The following PTPRN2 variants were observed in gnomAD, a reference collection of about 807,000 sequenced individuals.
PTPRN2 encodes the protein protein tyrosine phosphatase receptor type N2, also known as receptor-type tyrosine-protein phosphatase N2.
In PTPRN2, 74 loss-of-function variants were observed where a neutral mutation model predicts 118.8. The ratio of observed to expected loss-of-function variants is 0.62; its 90% CI spans 0.52 to 0.76. The LOEUF (loss-of-function observed/expected upper bound fraction) is 0.76, where lower values mean the gene tolerates loss of function less well. PTPRN2 is among the 30% of genes least tolerant of loss of function. PTPRN2 has a pLI of 0.00. For missense variants in PTPRN2, 1,481 were observed against 1,394.4 expected (o/e 1.06, Z -0.99); for synonymous variants, 641 against 608.0 (o/e 1.05, Z -0.80).
chr7:158,270,990 G>GCCTCCCCATCCACCTGGA (rs1798440132), intron 3 of PTPRN2, among the ~76,000 whole-genome samples: 1 of 58,926 alleles, frequency 1.7e-5, no homozygotes, highest in Non-Finnish European at 3.3e-5. Flanking sequence ...CTCCACCTGG[G>GCCTCCCCATCCACCTGGA]CCTCCCCATC....
At chr7:157,836,188 C>T (rs1415122273) in intron 12 of PTPRN2, among the ~76,000 whole-genome samples, 1 of 152,234 alleles carries the variant, frequency 6.6e-6, no homozygotes, top group African/African-American at 2.4e-5. Flanking sequence ...TGATAAGATG[C>T]TATCGTTTGC....
At chr7:158,175,259 C>T (rs1824083527) in intron 5 of PTPRN2, among the ~76,000 whole-genome samples, 1 of 152,236 alleles carries the variant, frequency 6.6e-6, no homozygotes, top group African/African-American at 2.4e-5. Flanking sequence ...CCTGACAAAG[C>T]ACACAGCCTC....
chr7:157,726,912 C>T (rs530864815), intron 12 of PTPRN2, among the ~76,000 whole-genome samples: 30 of 152,292 alleles, frequency 2.0e-4, no homozygotes, highest in Admixed American at 3.9e-4. Context: ...AGGCGCTTGG[C>T]GTCACCAAAA....
chr7:157,689,471 C>G (rs1327943656), intron 12 of PTPRN2, among the ~76,000 whole-genome samples: 1 of 152,204 alleles, frequency 6.6e-6, no homozygotes. Context: ...CCGTCCAGCC[C>G]GCAGCGCCCA....
chr7:158,310,624 C>A (rs546350417), intron 3 of PTPRN2, among the ~76,000 whole-genome samples: 44 of 152,334 alleles, frequency 2.9e-4, no homozygotes, highest in African/African-American at 9.4e-4. Flanking sequence ...CATTGCCCTG[C>A]GCAGCCTGAG....
Position 157,619,396 on chromosome 7 carries a change from G to T in PTPRN2, c.2344+1966C>A, listed in dbSNP as rs528312550. ...TACCCGCTCACCACCACCCTCACTT[G>T]TCCTACCACACCGGCTTCACTCCCC... On this transcript the variant is annotated intron_variant, in intron 15 of 22. Coordinates refer to ENST00000389418, the MANE Select transcript of PTPRN2 (RefSeq NM_002847.5). This position sits in a 1 kb window ranked among gnomAD's most constrained non-coding sequence, Gnocchi z 5.3. Among the ~76,000 whole-genome samples the T allele has an allele frequency of 6.6e-6, 1 of 152,042 alleles. No homozygotes were observed. The highest frequency in any genetic ancestry group is 2.4e-5 in the African/African-American group (1 of 41,468).
chr7:157,716,728 G>T (rs1439317449), intron 12 of PTPRN2, among the ~76,000 whole-genome samples: 1 of 48,540 alleles, frequency 2.1e-5, no homozygotes, highest in Admixed American at 1.9e-4. Context: ...GCCTGGCCAC[G>T]TAGACTCTGC....
At chr7:157,947,715 C>T (rs1047155647) in intron 11 of PTPRN2, among the ~76,000 whole-genome samples, 7 of 152,198 alleles carry the variant, frequency 4.6e-5, no homozygotes, top group African/African-American at 1.7e-4. Flanking sequence ...AGAAGCTCAA[C>T]TAACTCCAAG....
intron 15 of PTPRN2, among the ~76,000 whole-genome samples, chr7:157,604,533 A>G (rs1163826047): frequency 6.6e-6 from 1 of 152,224 alleles, no homozygotes; most frequent in East Asian, 1.9e-4. Context: ...TCACAGACAC[A>G]CTTGGCAACA....
intron 11 of PTPRN2, among the ~76,000 whole-genome samples, chr7:158,075,816 C>A (rs921972027): frequency 2.0e-5 from 3 of 152,206 alleles, no homozygotes; most frequent in Non-Finnish European, 2.9e-5. Flanking sequence ...AGCACGAGCC[C>A]CACGCCAGCC....
intron 12 of PTPRN2, chr7:157,864,422 G>C (rs765285163): frequency 6.6e-6 from 1 of 152,350 alleles, no homozygotes; most frequent in African/African-American, 2.4e-5. Context: ...GGCTGTATTA[G>C]GCAGATGTTC....
chr7:158,299,538 C>T (rs1800736095), intron 3 of PTPRN2, among the ~76,000 whole-genome samples: 3 of 152,126 alleles, frequency 2.0e-5, no homozygotes, highest in South Asian at 2.1e-4. Context: ...CCTCTTGATC[C>T]GCTGGCCTCA....
At chr7:157,930,464 T>G (rs1178459832) in intron 11 of PTPRN2, among the ~76,000 whole-genome samples, 2 of 152,236 alleles carry the variant, frequency 1.3e-5, no homozygotes, top group African/African-American at 2.4e-5. Flanking sequence ...GAGTCAGGTT[T>G]CTGCACTGGC....
Position 157,712,751 on chromosome 7 carries a change from CAAAAAAAA to C in PTPRN2, c.1789-29822_1789-29815del, listed in dbSNP as rs755055515. On this transcript the variant is annotated intron_variant, in intron 12 of 22. Transcript: ENST00000389418. The stretch of plus-strand genomic sequence containing the variant: ...GGGCTGTGAGAGTGAAACTCCATCT[CAAAAAAAA>C]AAAAAAAAAAAAAAAGGGAAATTCA... 3.3e-5 allele frequency among the ~76,000 whole-genome samples: 3 copies of C among 89,898 alleles called. No homozygotes were observed. In the South Asian group the frequency reaches 1.0e-3, roughly 31 times the overall value. The allele number at this position is 89,898 out of a possible 152,430, so 59.0% of individuals were successfully genotyped here. A position where few individuals can be genotyped will look rare whatever the true frequency, so the allele number is the denominator to read the frequency against.
chr7:157,566,733 G>A (rs538425430), intron 21 of PTPRN2, among the ~76,000 whole-genome samples: 1 of 152,214 alleles, frequency 6.6e-6, no homozygotes, highest in South Asian at 2.1e-4. Context: ...TCAGGTGCCT[G>A]GACAATATGC....
Position 157,953,399 on chromosome 7 carries a change from C to A in PTPRN2, c.1724-54662G>T, listed in dbSNP as rs1800959797. ...CTCAGGAGCAGGGGCTGGCGGCACT[C>A]CCCGGGCACAGAGGGAACGGCCTGG... On this transcript the variant is annotated intron_variant, in intron 11 of 22. Transcript: ENST00000389418. The surrounding 1 kb of genome is among the most constrained non-coding windows in gnomAD (Gnocchi z 4.6). Among the ~76,000 whole-genome samples, 1 of 152,080 alleles carries A rather than the reference C, an allele frequency of 6.6e-6. No individual in the cohort carries two copies. The highest frequency in any genetic ancestry group is 1.5e-5 in the Non-Finnish European group (1 of 67,994).
At chr7:157,663,444 A>G (rs1413978591) in intron 13 of PTPRN2, among the ~76,000 whole-genome samples, 2 of 152,162 alleles carry the variant, frequency 1.3e-5, no homozygotes, top group East Asian at 3.9e-4. Flanking sequence ...AATTCCTCAC[A>G]AGTGAGCTGG....
intron 11 of PTPRN2, among the ~76,000 whole-genome samples, chr7:157,969,887 A>C (rs915077355): frequency 1.3e-5 from 2 of 152,004 alleles, no homozygotes; most frequent in African/African-American, 4.8e-5. Flanking sequence ...GTCTTGGGGG[A>C]AATTCCCCAA....
At chr7:157,592,041 C>T (rs73163813) in intron 17 of PTPRN2, among the ~76,000 whole-genome samples, 6 of 152,316 alleles carry the variant, frequency 3.9e-5, no homozygotes, top group Admixed American at 6.5e-5. Flanking sequence ...GGTTGAGGGA[C>T]GCTGGGGTTT....
Sources: gnomAD v4.1 joint callset for allele counts (sites outside exome capture counted in the v4.1 genomes callset) on GRCh38, gnomAD v4.1.1 for gene constraint, Gnocchi (gnomAD v3.1) non-coding constraint, MANE v1.5 for transcripts, NCBI Gene and HGNC (gene_info 2026-07-23, HGNC 2026-07-21) for gene names.